CBFB: variants seen among roughly 807,000 people sequenced by gnomAD.
CBFB encodes core-binding factor subunit beta.
Under a neutral mutation model 30.4 loss-of-function variants are expected in CBFB, and 9 were observed. The observed-to-expected ratio is 0.30, with a 90% CI of 0.18 to 0.52. CBFB has a LOEUF of 0.52. Ranked by LOEUF, CBFB falls within the 20% of genes least tolerant of loss-of-function variation. The probability of loss-of-function intolerance (pLI) is 0.97; values close to 1 mark genes in which losing one functional copy is unlikely to be tolerated. For missense variants in CBFB, 170 were observed against 244.0 expected (o/e 0.70, Z 2.02); for synonymous variants, 94 against 84.0 (o/e 1.12, Z -0.65).
intron 5 of CBFB, among the ~76,000 whole-genome samples, chr16:67,089,231 T>C (rs1442868303): frequency 2.0e-5 from 3 of 152,190 alleles, no homozygotes. Context: ...TAAAATGATA[T>C]ACATAAGGTA....
At chr16:67,038,804 G>T (rs1293902778) in intron 3 of CBFB, among the ~76,000 whole-genome samples, 2 of 151,618 alleles carry the variant, frequency 1.3e-5, no homozygotes, top group Admixed American at 6.6e-5. Context: ...TTTTTTGTCA[G>T]CTTTAGCCCA....
chr16:67,060,314 A>T (rs1567613451), intron 3 of CBFB, among the ~76,000 whole-genome samples: 2 of 152,140 alleles, frequency 1.3e-5, no homozygotes, highest in South Asian at 2.1e-4. Flanking sequence ...TTCACATACC[A>T]TAAAATTCAC....
Position 67,036,673 on chromosome 16 carries a change from A to G in CBFB, c.200A>G (p.Gln67Arg), listed in dbSNP as rs1292315077. 3 of 1,613,716 alleles carry G rather than the reference A, an allele frequency of 1.9e-6. No homozygotes were observed. The highest frequency in any genetic ancestry group is 1.1e-5 in the South Asian group (1 of 91,088). The change falls in exon 3 of 6, where the codon CAG becomes CGG. Residue 67 changes from glutamine (Q) to arginine (R), a missense_variant. Gln to Arg is a conservative substitution (Grantham distance 43). Transcript: ENST00000412916. ...FVATGTNLSL[Q>R]FFPASWQGEQ... ...GCCACAGGAACCAATCTGTCTCTCCAGTTTTTTCCGGCCAGCTGGCAGGGA... is the reference window on the plus strand; with the variant it reads ...GCCACAGGAACCAATCTGTCTCTCCGGTTTTTTCCGGCCAGCTGGCAGGGA...
intron 4 of CBFB, among the ~76,000 whole-genome samples, chr16:67,073,205 T>C (rs958068655): frequency 6.6e-6 from 1 of 152,192 alleles, no homozygotes; most frequent in East Asian, 1.9e-4. Flanking sequence ...AATTCCATTT[T>C]TGAAAGATTA....
At chr16:67,064,818 G>GT (rs1567614936) in intron 3 of CBFB, among the ~76,000 whole-genome samples, 1 of 151,692 alleles carries the variant, frequency 6.6e-6, no homozygotes. Context: ...ATGGGTTTTT[G>GT]TTTTTTGTTG....
chr16:67,064,511 T>A (rs577575036), intron 3 of CBFB, among the ~76,000 whole-genome samples: 1 of 152,258 alleles, frequency 6.6e-6, no homozygotes, highest in African/African-American at 2.4e-5. Flanking sequence ...AGCCCTAAAA[T>A]TATGTTTTTA....
At position 67,066,393 on chromosome 16, in the gene CBFB, C is replaced by CAAAAAAAAAAAAAAAAAAAAA. The variant is rs56360240; in HGVS notation, c.283-272_283-271insAAAAAAAAAAAAAAAAAAAAA. The stretch of plus-strand genomic sequence containing the variant: ...TGAAACCCCATCTCTACTAAAAATA[C>CAAAAAAAAAAAAAAAAAAAAA]AAAAAAAAAAAAAAAAATTAGCCAG... On this transcript the variant is annotated intron_variant, in intron 3 of 5. Coordinates refer to ENST00000412916, the MANE Select transcript of CBFB (RefSeq NM_022845.3). Among the ~76,000 whole-genome samples, 25 of 96,028 alleles carry CAAAAAAAAAAAAAAAAAAAAA rather than the reference C, an allele frequency of 2.6e-4. 1 individual carries two copies. The highest frequency in any genetic ancestry group is 1.1e-3 in the African/African-American group (20 of 17,672). 63.0% of individuals were successfully genotyped at this position (96,028 alleles called of 152,430 possible).
At chr16:67,029,860 G>A (rs1231080173) in intron 2 of CBFB, 47 bp downstream of exon 2, 3 of 1,417,376 alleles carry the variant, frequency 2.1e-6, no homozygotes, top group Non-Finnish European at 2.9e-6. Context: ...GTTGCGCGGG[G>A]CCGCGGCGGC....
chr16:67,048,829 T>C (rs1244530544), intron 3 of CBFB, among the ~76,000 whole-genome samples: 3 of 146,316 alleles, frequency 2.1e-5, no homozygotes, highest in Non-Finnish European at 4.5e-5. Context: ...TTTTCTTTTT[T>C]TTTTTTTTGA....
rs1257093793 is a variant in CBFB, at chr16:67,098,706, G to T, written c.496-4G>T. ...GACCCCAAATTATGATTTTGTCATTGCAGGCAAGAAGACAACAAGACCCTA... is the reference window on the plus strand; with the variant it reads ...GACCCCAAATTATGATTTTGTCATTTCAGGCAAGAAGACAACAAGACCCTA... On this transcript the variant is annotated splice_region_variant and splice_polypyrimidine_tract_variant and intron_variant, in intron 5 of 5. Coordinates refer to ENST00000412916, the MANE Select transcript of CBFB (RefSeq NM_022845.3). 1 of 1,595,306 alleles carries T rather than the reference G, an allele frequency of 6.3e-7. No homozygotes were observed. The highest frequency in any genetic ancestry group is 8.6e-7 in the Non-Finnish European group (1 of 1,163,714).
chr16:67,048,453 A>G (rs1434180971), intron 3 of CBFB, among the ~76,000 whole-genome samples: 1 of 152,192 alleles, frequency 6.6e-6, no homozygotes, highest in Admixed American at 6.6e-5. Flanking sequence ...CACTTTTTTA[A>G]AAGCTATTTA....
chr16:67,041,617 G>A (rs1012875547), intron 3 of CBFB, among the ~76,000 whole-genome samples: 1 of 151,868 alleles, frequency 6.6e-6, no homozygotes, highest in Non-Finnish European at 1.5e-5. Flanking sequence ...AAAAAAGAAT[G>A]ACTCCAACTT....
chr16:67,067,284 A>AC (rs1961088526), intron 4 of CBFB, among the ~76,000 whole-genome samples: 1 of 151,366 alleles, frequency 6.6e-6, no homozygotes, highest in Non-Finnish European at 1.5e-5. Context: ...GCTGAGGCAG[A>AC]CGGATCACCT....
intron 5 of CBFB, among the ~76,000 whole-genome samples, chr16:67,092,244 C>G (rs1233842331): frequency 6.6e-6 from 1 of 152,148 alleles, no homozygotes; most frequent in African/African-American, 2.4e-5. Context: ...ATCCATGTCC[C>G]TGCAAAGGAC....
At chr16:67,057,299 A>T (rs898873390) in intron 3 of CBFB, among the ~76,000 whole-genome samples, 12 of 152,198 alleles carry the variant, frequency 7.9e-5, no homozygotes, top group Non-Finnish European at 1.6e-4. Flanking sequence ...AGGCTTTTTA[A>T]AGGTCAGTGT....
chr16:67,082,306 G>C lies in CBFB; in HGVS notation c.493G>C (p.Glu165Gln). The C allele has an allele frequency of 6.2e-7, 1 of 1,612,566 alleles. No individual in the cohort carries two copies. The highest frequency in any genetic ancestry group is 8.5e-7 in the Non-Finnish European group (1 of 1,178,862). The change falls in exon 5 of 6, where the codon GAG (glutamate) becomes CAG (glutamine). Residue 165 changes from glutamate (E) to glutamine (Q), a missense_variant and splice_region_variant. Coordinates refer to ENST00000412916, the MANE Select transcript of CBFB (RefSeq NM_022845.3). ...AGACAGGTCTCATCGGGAGGAAATGGAGGTGAGAGTTTCACAGCTGCTGGC... is the reference window on the plus strand; with the variant it reads ...AGACAGGTCTCATCGGGAGGAAATGCAGGTGAGAGTTTCACAGCTGCTGGC... ...DRDRSHREEM[E>Q]ARRQQDPSPG...
At chr16:67,050,941 A>G (rs1966728559) in intron 3 of CBFB, among the ~76,000 whole-genome samples, 1 of 152,216 alleles carries the variant, frequency 6.6e-6, no homozygotes, top group African/African-American at 2.4e-5. Flanking sequence ...CTTATAAAAC[A>G]TGGATGTGCT....
At chr16:67,093,726 C>T (rs575312854) in intron 5 of CBFB, 21 of 152,198 alleles carry the variant, frequency 1.4e-4, no homozygotes, top group African/African-American at 4.3e-4. Flanking sequence ...ATATTAAAAC[C>T]CCAATTCTGA....
At chr16:67,035,330 C>T (rs1270087849) in intron 2 of CBFB, among the ~76,000 whole-genome samples, 1 of 152,190 alleles carries the variant, frequency 6.6e-6, no homozygotes, top group Non-Finnish European at 1.5e-5. Context: ...GATGGTCTAC[C>T]TGCCTTGCCT....
Sources: allele counts gnomAD v4.1 joint callset (sites outside exome capture counted in the v4.1 genomes callset), GRCh38; gene constraint gnomAD v4.1.1; transcripts MANE v1.5; gene names NCBI Gene and HGNC (gene_info 2026-07-23, HGNC 2026-07-21).